The following FER1L6 variants were observed in gnomAD, a reference collection of about 807,000 sequenced individuals.
The protein encoded by FER1L6 is fer-1 like family member 6.
Under a neutral mutation model 219.2 loss-of-function variants are expected in FER1L6, and 177 were observed. The ratio of observed to expected loss-of-function variants is 0.81; its 90% CI spans 0.71 to 0.91. The LOEUF is 0.91. Ranked by LOEUF, FER1L6 falls within the 40% of genes least tolerant of loss-of-function variation. The pLI is 0.00. For missense variants in FER1L6, 2,153 were observed against 2,259.9 expected (o/e 0.95, Z 0.96); for synonymous variants, 768 against 824.3 (o/e 0.93, Z 1.17).
intron 5 of FER1L6, among the ~76,000 whole-genome samples, chr8:123,968,896 C>CCATT (rs1359517418): frequency 5.3e-5 from 8 of 152,174 alleles, no homozygotes; most frequent in Non-Finnish European, 1.0e-4. Flanking sequence ...CTCTAAGGGG[C>CCATT]CATTCTTCCA....
At chr8:123,927,077 T>G (rs973810098) in intron 1 of FER1L6, among the ~76,000 whole-genome samples, 4 of 151,614 alleles carry the variant, frequency 2.6e-5, no homozygotes, top group Non-Finnish European at 4.4e-5. Flanking sequence ...TGAGATAGAG[T>G]TGGCCCAACA....
At chr8:124,024,393 A>C (rs1586605542) in intron 18 of FER1L6, among the ~76,000 whole-genome samples, 1 of 128,886 alleles carries the variant, frequency 7.8e-6, no homozygotes, top group African/African-American at 3.0e-5. Context: ...CCTTTATACC[A>C]CTCTGTATGA....
At chr8:124,061,039 T>C (rs1563773476) in intron 24 of FER1L6, among the ~76,000 whole-genome samples, 1 of 152,198 alleles carries the variant, frequency 6.6e-6, no homozygotes, top group Admixed American at 6.5e-5. Flanking sequence ...TTAGAAACTA[T>C]TGCAGGGAAG....
chr8:123,905,765 CTAT>C (rs1326563939), intron 1 of FER1L6, among the ~76,000 whole-genome samples: 4 of 151,992 alleles, frequency 2.6e-5, no homozygotes, highest in Non-Finnish European at 2.9e-5. Flanking sequence ...ACAAATGTAG[CTAT>C]TATTATTTTT....
chr8:123,914,257 G>T (rs1813123651), intron 1 of FER1L6, among the ~76,000 whole-genome samples: 1 of 152,152 alleles, frequency 6.6e-6, no homozygotes, highest in African/African-American at 2.4e-5. Context: ...GACCTTATTG[G>T]TGTGTTTTCC....
At position 124,012,799 on chromosome 8, in the gene FER1L6, C is replaced by T. The variant is rs570765090; in HGVS notation, c.1822-632C>T. Among the ~76,000 whole-genome samples the T allele has an allele frequency of 1.3e-3, 204 of 152,266 alleles. 1 individual carries two copies. Among genetic ancestry groups the T allele is most frequent in the African/African-American group, 4.7e-3 (194 of 41,554 alleles). On this transcript the variant is annotated intron_variant, in intron 14 of 40. Transcript: ENST00000522917. ...TGGGATATGGTAGAGAATATAGTTT[C>T]GTAAATTCTAGCAAAGGAGTAGTAA...
At chr8:123,956,310 C>G (rs769819600) in intron 2 of FER1L6, among the ~76,000 whole-genome samples, 6 of 152,258 alleles carry the variant, frequency 3.9e-5, no homozygotes, top group Non-Finnish European at 8.8e-5. Context: ...GAGAAAACAG[C>G]AGCAGGGTTC....
At chr8:123,926,293 A>G (rs1417052329) in intron 1 of FER1L6, among the ~76,000 whole-genome samples, 4 of 152,092 alleles carry the variant, frequency 2.6e-5, no homozygotes, top group Non-Finnish European at 4.4e-5. Context: ...GTAGGTTAGT[A>G]TTATGTTTAA....
At chr8:124,063,584 G>A (rs1197941541) in intron 25 of FER1L6, among the ~76,000 whole-genome samples, 1 of 152,138 alleles carries the variant, frequency 6.6e-6, no homozygotes, top group Non-Finnish European at 1.5e-5. Context: ...CATAAACCAA[G>A]TTGTCATACA....
chr8:124,005,172 G>A (rs1023103974), intron 13 of FER1L6, among the ~76,000 whole-genome samples: 2 of 152,098 alleles, frequency 1.3e-5, no homozygotes, highest in African/African-American at 4.8e-5. Context: ...AACAACAACA[G>A]CAACAACACC....
chr8:123,863,625 G>T (rs1201669080), intron 1 of FER1L6, among the ~76,000 whole-genome samples: 20 of 138,626 alleles, frequency 1.4e-4, no homozygotes, highest in African/African-American at 5.8e-4. Flanking sequence ...AAGTCTCTTT[G>T]TAGGTCACTC....
At position 124,086,132 on chromosome 8, in the gene FER1L6, A is replaced by T. The variant is rs142315845; in HGVS notation, c.4391+3674A>T. On this transcript the variant is annotated intron_variant, in intron 33 of 40. Transcript: ENST00000522917. ...AAGTATGTTTTTTTGTAGGCAACGG[A>T]GTATTGGGTCTTGTGTTTTTATCCA... is the stretch of plus-strand genomic sequence containing the variant. Among the ~76,000 whole-genome samples, 496 of 145,418 alleles carry T rather than the reference A, an allele frequency of 3.4e-3. 4 individuals are homozygous for T. The highest frequency in any genetic ancestry group is 6.9e-3 in the Middle Eastern group (2 of 290).
chr8:123,953,911 A>G (rs1359570355), intron 1 of FER1L6, among the ~76,000 whole-genome samples: 2 of 152,162 alleles, frequency 1.3e-5, no homozygotes, highest in African/African-American at 2.4e-5. Context: ...GAAAACTATT[A>G]TTGGAAGTCC....
At chr8:123,869,080 T>C (rs1231817205) in intron 1 of FER1L6, among the ~76,000 whole-genome samples, 2 of 152,166 alleles carry the variant, frequency 1.3e-5, no homozygotes, top group East Asian at 3.8e-4. Context: ...TAGGAAGGGA[T>C]ATTTTTTCCT....
At chr8:123,877,906 G>C (rs988035315) in intron 1 of FER1L6, among the ~76,000 whole-genome samples, 1 of 151,988 alleles carries the variant, frequency 6.6e-6, no homozygotes, top group Non-Finnish European at 1.5e-5. Context: ...TACTGAAGTC[G>C]ATTTATCGTT....
intron 7 of FER1L6, among the ~76,000 whole-genome samples, chr8:123,974,680 A>AAAAAAT (rs1362934333): frequency 6.7e-6 from 1 of 148,488 alleles, no homozygotes; most frequent in Non-Finnish European, 1.5e-5. Context: ...AAAAAAAAAA[A>AAAAAAT]AAGAAATGTG....
chr8:124,071,313 G>A (rs778912313), intron 30 of FER1L6, among the ~76,000 whole-genome samples, 193 bp from the exon 31 acceptor site: 9 of 152,142 alleles, frequency 5.9e-5, no homozygotes, highest in Non-Finnish European at 1.0e-4. Flanking sequence ...CCAATTCACT[G>A]GTGTACCATG....
chr8:123,967,491 T>C (rs999472863), intron 5 of FER1L6, among the ~76,000 whole-genome samples: 2 of 152,212 alleles, frequency 1.3e-5, no homozygotes, highest in Non-Finnish European at 2.9e-5. Flanking sequence ...TTGCTACTAC[T>C]TATAATAGTA....
chr8:124,016,629 A>T (rs902107727), intron 15 of FER1L6, among the ~76,000 whole-genome samples: 1 of 152,188 alleles, frequency 6.6e-6, no homozygotes, highest in South Asian at 2.1e-4. Flanking sequence ...TTCACAAATG[A>T]TATCACACAT....
Sources: gnomAD v4.1 joint callset for allele counts (sites outside exome capture counted in the v4.1 genomes callset) on GRCh38, gnomAD v4.1.1 for gene constraint, MANE v1.5 for transcripts, NCBI Gene and HGNC (gene_info 2026-07-23, HGNC 2026-07-21) for gene names.